Variants in C12orf42 observed in about 807,000 individuals in gnomAD.
C12orf42 encodes the protein chromosome 12 open reading frame 42.
In C12orf42, 25 loss-of-function variants were observed where a neutral mutation model predicts 21.6. The observed-to-expected ratio is 1.16, with a 90% CI of 0.84 to 1.62. C12orf42 has a LOEUF of 1.62. Among genes scored for constraint, C12orf42 ranks in the 40% most tolerant of loss-of-function variants. C12orf42 has a pLI of 0.00. For missense variants in C12orf42, 483 were observed against 459.3 expected (o/e 1.05, Z -0.47); for synonymous variants, 174 against 175.0 (o/e 0.99, Z 0.05).
the C12orf42 span, among the ~76,000 whole-genome samples, chr12:103,206,059 G>A: frequency 6.6e-6 from 1 of 152,160 alleles, no homozygotes. Context: ...TCTTGGCCAC[G>A]GGGAACTTCT....
At chr12:103,106,623 C>T in the C12orf42 span, among the ~76,000 whole-genome samples, 1 of 150,820 alleles carries the variant, frequency 6.6e-6, no homozygotes, top group Non-Finnish European at 1.5e-5. Context: ...TATGGGTACC[C>T]AGTAAAAGTA....
chr12:103,052,672 A>G, the C12orf42 span, among the ~76,000 whole-genome samples: 13 of 152,010 alleles, frequency 8.6e-5, no homozygotes, highest in African/African-American at 2.9e-4. Flanking sequence ...ATTTTTATTA[A>G]CTATAATTTT....
chr12:103,147,122 C>T, the C12orf42 span, among the ~76,000 whole-genome samples: 1 of 152,152 alleles, frequency 6.6e-6, no homozygotes, highest in Non-Finnish European at 1.5e-5. Flanking sequence ...TCAGGATTAA[C>T]ATTGTAAACT....
At chr12:103,434,202 GCTC>G (rs1434445633) in intron 2 of C12orf42, among the ~76,000 whole-genome samples, 7 of 152,082 alleles carry the variant, frequency 4.6e-5, no homozygotes, top group African/African-American at 1.7e-4. Context: ...TTCCCCAACA[GCTC>G]CTCTAACCTC....
the C12orf42 span, among the ~76,000 whole-genome samples, chr12:103,210,693 A>C: frequency 9.0e-6 from 1 of 111,246 alleles, no homozygotes; most frequent in Non-Finnish European, 2.0e-5. Flanking sequence ...TGTTTATGTA[A>C]CTTAGACTGC....
At chr12:103,310,040 A>G (rs1475974092) in intron 4 of C12orf42, among the ~76,000 whole-genome samples, 1 of 152,154 alleles carries the variant, frequency 6.6e-6, no homozygotes, top group Admixed American at 6.5e-5. Flanking sequence ...GACAGTTGAT[A>G]TAGTTTGTAT....
intron 2 of C12orf42, among the ~76,000 whole-genome samples, chr12:103,445,511 T>A (rs927290054): frequency 1.6e-4 from 25 of 151,972 alleles, no homozygotes; most frequent in Non-Finnish European, 2.9e-4. Context: ...TTTCCTTGAT[T>A]TACTAATGAG....
the C12orf42 span, among the ~76,000 whole-genome samples, chr12:103,539,986 G>T: frequency 7.4e-6 from 1 of 135,440 alleles, no homozygotes; most frequent in Non-Finnish European, 1.7e-5. Flanking sequence ...ATGAGGCCAT[G>T]AGGTCGTTTT....
At chr12:103,104,514 C>G in the C12orf42 span, among the ~76,000 whole-genome samples, 1 of 152,208 alleles carries the variant, frequency 6.6e-6, no homozygotes, top group Non-Finnish European at 1.5e-5. Context: ...AATCTCAGCT[C>G]TCTGCATCCT....
the C12orf42 span, among the ~76,000 whole-genome samples, chr12:103,069,424 T>C: frequency 6.6e-6 from 1 of 152,152 alleles, no homozygotes; most frequent in Non-Finnish European, 1.5e-5. Context: ...ACATCATAGC[T>C]TAGCCTAGTC....
chr12:103,071,581 G>A, the C12orf42 span, among the ~76,000 whole-genome samples: 2 of 152,098 alleles, frequency 1.3e-5, no homozygotes, highest in African/African-American at 4.8e-5. Flanking sequence ...CATGGGGGCG[G>A]TTTTTCCCAT....
intron 3 of C12orf42, among the ~76,000 whole-genome samples, chr12:103,369,467 T>G (rs2044988984): frequency 1.3e-5 from 2 of 151,806 alleles, no homozygotes; most frequent in Non-Finnish European, 2.9e-5. Flanking sequence ...CAGGGTGACA[T>G]GAAAACAAAG....
At chr12:103,443,840 A>T (rs1190512943) in intron 2 of C12orf42, among the ~76,000 whole-genome samples, 2 of 152,114 alleles carry the variant, frequency 1.3e-5, no homozygotes, top group African/African-American at 4.8e-5. Flanking sequence ...AGAGAAAGAG[A>T]CTAAGCACTT....
intron 4 of C12orf42, among the ~76,000 whole-genome samples, chr12:103,329,996 A>G (rs546532841): frequency 1.6e-3 from 237 of 152,228 alleles, no homozygotes; most frequent in African/African-American, 5.3e-3. Context: ...ATGCCAATAC[A>G]TATTCTTTGA....
chr12:103,093,332 T>C, the C12orf42 span, among the ~76,000 whole-genome samples: 1 of 152,174 alleles, frequency 6.6e-6, no homozygotes, highest in Non-Finnish European at 1.5e-5. Flanking sequence ...TACATTCCAT[T>C]GTCCCTTCCC....
the C12orf42 span, among the ~76,000 whole-genome samples, chr12:103,196,413 G>A: frequency 6.6e-6 from 1 of 152,154 alleles, no homozygotes; most frequent in African/African-American, 2.4e-5. Flanking sequence ...ATATTCTGTT[G>A]TTGTTGGGCA....
At chr12:103,233,268 CTT>C (rs563034580), downstream of C12orf42, among the ~76,000 whole-genome samples, 3 of 152,332 alleles carry the variant, frequency 2.0e-5, no homozygotes, top group East Asian at 5.8e-4. Context: ...AGTCCTCCAA[CTT>C]TGTTCTTTTC....
chr12:103,326,565 C>T (rs2040732675), intron 4 of C12orf42, among the ~76,000 whole-genome samples: 1 of 152,196 alleles, frequency 6.6e-6, no homozygotes, highest in Admixed American at 6.5e-5. Context: ...TTGCACTCCA[C>T]TCCAGCCACA....
the C12orf42 span, among the ~76,000 whole-genome samples, chr12:103,205,896 G>A: frequency 7.2e-5 from 11 of 152,124 alleles, no homozygotes; most frequent in East Asian, 3.8e-4. Flanking sequence ...ATATGTAAGC[G>A]TTCAAATTAA....
Sources: gnomAD v4.1 joint callset for allele counts (sites outside exome capture counted in the v4.1 genomes callset) on GRCh38, gnomAD v4.1.1 for gene constraint, MANE v1.5 for transcripts, NCBI Gene and HGNC (gene_info 2026-07-23, HGNC 2026-07-21) for gene names.